SLC9A9: variants seen among roughly 807,000 people sequenced by gnomAD.
SLC9A9 encodes the protein solute carrier family 9 member A9, also known as sodium/hydrogen exchanger 9.
In SLC9A9, 62 loss-of-function variants were observed where a neutral mutation model predicts 77.8. The ratio of observed to expected loss-of-function variants is 0.80; its 90% CI spans 0.65 to 0.98. SLC9A9 has a LOEUF of 0.98. Ranked by LOEUF, SLC9A9 falls within the 50% of genes least tolerant of loss-of-function variation. SLC9A9 has a pLI of 0.00. For synonymous variants in SLC9A9, 320 were observed against 283.5 expected (o/e 1.13, Z -1.29); for missense variants, 775 against 774.9 (o/e 1.00, Z 0.00).
chr3:143,557,692 A>G (rs942975119), intron 8 of SLC9A9, among the ~76,000 whole-genome samples: 2 of 152,208 alleles, frequency 1.3e-5, no homozygotes, highest in African/African-American at 4.8e-5. Context: ...TGCTTTAGCA[A>G]AGAGACTGGT....
chr3:143,509,099 T>C (rs1039651927), intron 9 of SLC9A9, among the ~76,000 whole-genome samples: 23 of 152,178 alleles, frequency 1.5e-4, no homozygotes, highest in Admixed American at 1.0e-3. Flanking sequence ...TGGAAAGGCA[T>C]GCAATAGAAA....
chr3:143,843,217 G>T (rs1007368906), intron 1 of SLC9A9, among the ~76,000 whole-genome samples: 1 of 152,186 alleles, frequency 6.6e-6, no homozygotes, highest in African/African-American at 2.4e-5. Context: ...GGCAGTCAGG[G>T]AGGCTGGGCT....
At chr3:143,294,436 C>G (rs1225472547) in intron 14 of SLC9A9, among the ~76,000 whole-genome samples, 1 of 152,168 alleles carries the variant, frequency 6.6e-6, no homozygotes, top group Non-Finnish European at 1.5e-5. Flanking sequence ...GCACTCAATA[C>G]GTATGCAACA....
chr3:143,453,043 G>A (rs2582354), intron 12 of SLC9A9, among the ~76,000 whole-genome samples: 106,801 of 151,920 alleles, frequency 0.7, 38,263 homozygotes, highest in African/African-American at 0.83. Flanking sequence ...AGAATGCGAA[G>A]TGAGCAATTT....
intron 9 of SLC9A9, among the ~76,000 whole-genome samples, chr3:143,544,828 T>C (rs188437885): frequency 1.7e-4 from 26 of 152,302 alleles, no homozygotes; most frequent in Admixed American, 1.7e-3. Context: ...TTAATCCATC[T>C]TAAGTTAGTT....
rs115122077 is a variant in SLC9A9, at chr3:143,706,288, A to T, written c.534-12981T>A. ...ACAGAGATCGATCGGGGAGCGGGGGAATGCCTGTCCTGATTGAGCTGTAGC... is the reference window on the plus strand; with the variant it reads ...ACAGAGATCGATCGGGGAGCGGGGGTATGCCTGTCCTGATTGAGCTGTAGC... On this transcript the variant is annotated intron_variant, in intron 4 of 15. Coordinates refer to ENST00000316549, the MANE Select transcript of SLC9A9 (RefSeq NM_173653.4). Among the ~76,000 whole-genome samples the T allele has an allele frequency of 9.2e-3, 1,406 of 152,240 alleles. 27 individuals are homozygous for T. The highest frequency in any genetic ancestry group is 0.032 in the African/African-American group (1,348 of 41,538).
intron 5 of SLC9A9, among the ~76,000 whole-genome samples, chr3:143,682,773 TC>T (rs1030863867): frequency 1.8e-4 from 28 of 152,132 alleles, no homozygotes; most frequent in African/African-American, 5.8e-4. Context: ...CCTTCCTCCA[TC>T]TTCAAAGTCA....
intron 14 of SLC9A9, among the ~76,000 whole-genome samples, chr3:143,362,309 A>G (rs2032775818): frequency 6.6e-6 from 1 of 152,162 alleles, no homozygotes. Flanking sequence ...CTAACCTCAA[A>G]AACCCTCTAT....
chr3:143,655,622 T>G (rs2038875851), intron 5 of SLC9A9: 2 of 984,170 alleles, frequency 2.0e-6, no homozygotes, highest in Non-Finnish European at 2.4e-6. Flanking sequence ...TCTTTCAAAT[T>G]GATAATAAAA....
At chr3:143,340,692 C>T (rs529105500) in intron 14 of SLC9A9, among the ~76,000 whole-genome samples, 4 of 152,244 alleles carry the variant, frequency 2.6e-5, no homozygotes, top group South Asian at 2.1e-4. Context: ...TGAGTTTTTG[C>T]CCTTACCATA....
At chr3:143,317,964 T>C (rs926355934) in intron 14 of SLC9A9, among the ~76,000 whole-genome samples, 18 of 152,170 alleles carry the variant, frequency 1.2e-4, no homozygotes, top group African/African-American at 4.1e-4. Flanking sequence ...CCTGACCTCA[T>C]GATCTGCCCA....
At chr3:143,302,072 C>G (rs2030546936) in intron 14 of SLC9A9, among the ~76,000 whole-genome samples, 1 of 152,136 alleles carries the variant, frequency 6.6e-6, no homozygotes, top group South Asian at 2.1e-4. Flanking sequence ...TATATCTTAC[C>G]TGGCACCTCT....
chr3:143,301,739 A>G (rs2030528900), intron 14 of SLC9A9, among the ~76,000 whole-genome samples: 1 of 152,170 alleles, frequency 6.6e-6, no homozygotes, highest in Non-Finnish European at 1.5e-5. Flanking sequence ...CACTGACCAA[A>G]GTGTGAGAAC....
At chr3:143,831,225 C>T (rs1386735864) in intron 2 of SLC9A9, among the ~76,000 whole-genome samples, 2 of 152,074 alleles carry the variant, frequency 1.3e-5, no homozygotes, top group Non-Finnish European at 2.9e-5. Flanking sequence ...AAAAAAATCT[C>T]AAATAAGTGA....
rs1261789237 is a variant in SLC9A9, at chr3:143,694,152, TA to T, written c.534-846del. On this transcript the variant is annotated intron_variant, in intron 4 of 15. Coordinates refer to ENST00000316549, the MANE Select transcript of SLC9A9 (RefSeq NM_173653.4). Reference sequence around the variant, plus strand: ...ACCATCAAACCAATAGATGGATGTTTAAACACTCACGTGAACTTAAAGTTAG... The same window carrying T: ...ACCATCAAACCAATAGATGGATGTTTAACACTCACGTGAACTTAAAGTTAG... Among the ~76,000 whole-genome samples the T allele has an allele frequency of 3.9e-5, 6 of 152,244 alleles. No individual in the cohort carries two copies. In the East Asian group the frequency reaches 1.2e-3, roughly 29 times the overall value.
rs556280667 is a variant in SLC9A9 at position 143,486,820 on chromosome 3, A to T, written c.1315+6833T>A. ...AGGAATAAAGGAATTTAAACATTTC[A>T]CTGCAAAGAATCAACTAAACACAAA... On this transcript the variant is annotated intron_variant, in intron 11 of 15. Transcript: ENST00000316549. Among the ~76,000 whole-genome samples the T allele has an allele frequency of 9.2e-5, 14 of 152,220 alleles. No homozygotes were observed. In the Middle Eastern group the frequency reaches 0.017, roughly 185 times the overall value.
chr3:143,337,220 G>A (rs1324825510), intron 14 of SLC9A9, among the ~76,000 whole-genome samples: 1 of 152,074 alleles, frequency 6.6e-6, no homozygotes, highest in East Asian at 1.9e-4. Context: ...TCTCTCCCTT[G>A]AATTGAATTT....
chr3:143,511,024 T>C (rs1341158738), intron 9 of SLC9A9, among the ~76,000 whole-genome samples: 3 of 152,230 alleles, frequency 2.0e-5, no homozygotes, highest in African/African-American at 7.2e-5. Context: ...AAGACACGAT[T>C]TCTTCAGATC....
chr3:143,732,667 C>G (rs1016965190), intron 4 of SLC9A9, among the ~76,000 whole-genome samples: 6 of 152,158 alleles, frequency 3.9e-5, no homozygotes, highest in African/African-American at 1.4e-4. Flanking sequence ...ATAGACAAAT[C>G]CACCCTTCAG....
Sources: allele counts gnomAD v4.1 joint callset (sites outside exome capture counted in the v4.1 genomes callset), GRCh38; gene constraint gnomAD v4.1.1; transcripts MANE v1.5; gene names NCBI Gene and HGNC (gene_info 2026-07-23, HGNC 2026-07-21).